Variants in SHF observed in about 807,000 individuals in gnomAD.
SHF encodes Src homology 2 domain containing F.
SHF carries 30 observed loss-of-function variants against 42.4 expected under a neutral mutation model. That is an observed-to-expected ratio of 0.71 (90% CI 0.53 to 0.96). The LOEUF is 0.96. SHF is among the 40% of genes least tolerant of loss of function. The probability of loss-of-function intolerance (pLI) is 0.00; values close to 1 mark genes in which losing one functional copy is unlikely to be tolerated. For missense variants in SHF, 598 were observed against 634.0 expected (o/e 0.94, Z 0.61); for synonymous variants, 264 against 269.9 (o/e 0.98, Z 0.21).
chr15:45,168,404 C>A (rs74011382), intron 6 of SHF, among the ~76,000 whole-genome samples: 24,586 of 152,126 alleles, frequency 0.16, 2,370 homozygotes, highest in East Asian at 0.42. Context: ...CAGGTGGAAA[C>A]TGAGCGACCA....
exon 1 of SHF, chr15:45,200,897 C>T (rs918179187): frequency 4.4e-6 from 2 of 455,670 alleles, no homozygotes; most frequent in Non-Finnish European, 8.8e-6. Context: ...GGCTTCACAT[C>T]ATTGCAGGCC....
intron 2 of SHF, among the ~76,000 whole-genome samples, chr15:45,195,744 A>G (rs1297866170): frequency 6.6e-6 from 1 of 152,146 alleles, no homozygotes; most frequent in Non-Finnish European, 1.5e-5. Flanking sequence ...CTCACTGGGT[A>G]CTGAGTACAG....
Position 45,178,295 on chromosome 15 carries a change from T to C in SHF, c.510A>G (p.Leu170=). The C allele has an allele frequency of 6.2e-7, 1 of 1,612,880 alleles. No individual in the cohort carries two copies. Among genetic ancestry groups the C allele is most frequent in the Non-Finnish European group, 8.5e-7 (1 of 1,179,468 alleles). Residue 170 remains leucine (L), a synonymous_variant, in exon 2 of 7, where the codon CTA becomes CTG. Coordinates refer to ENST00000690270, the MANE Select transcript of SHF (RefSeq NM_001394037.1). ...CATCAAACGGGTCCGCATAGTCTTC[T>C]AGGATAGCTAGCTGTGGGAGGAGAG... ...PPASSDRLAI[L]EDYADPFDVQ... is the part of the protein sequence containing the mutation.
At position 45,187,893 on chromosome 15, in the gene SHF, C is replaced by CTCCCCTGCGT. The variant is rs1360774666; in HGVS notation, c.49_58dup (p.Ser20AsnfsTer138). 1 of 1,185,592 alleles carries CTCCCCTGCGT rather than the reference C, an allele frequency of 8.4e-7. No individual in the cohort carries two copies. Among genetic ancestry groups the CTCCCCTGCGT allele is most frequent in the African/African-American group, 1.6e-5 (1 of 62,524 alleles). 73.4% of individuals were successfully genotyped at this position (1,185,592 alleles called of 1,614,324 possible). ...GGACCCCCCCGGGCCGCCCCCAGCG[C>CTCCCCTGCGT]TCCCCTGCGTTCGCGGCCCCGGGCG... On this transcript the variant is annotated frameshift_variant, in exon 1 of 7. Coordinates refer to ENST00000690270, the MANE Select transcript of SHF (RefSeq NM_001394037.1). LOFTEE classifies it high-confidence loss of function.
chr15:45,200,404 TCC>T (rs879324653), intron 1 of SHF: 13 of 221,832 alleles, frequency 5.9e-5, no homozygotes, highest in Admixed American at 1.4e-4. Context: ...CGTGCCATTG[TCC>T]TCACAATGCC....
chr15:45,169,113 G>T (rs1897348669), intron 6 of SHF, among the ~76,000 whole-genome samples: 1 of 152,230 alleles, frequency 6.6e-6, no homozygotes, highest in Admixed American at 6.5e-5. Flanking sequence ...TGGGGACAAG[G>T]ACGGGGCTTA....
intron 2 of SHF, among the ~76,000 whole-genome samples, chr15:45,195,498 T>C (rs1185724848): frequency 6.6e-6 from 1 of 152,230 alleles, no homozygotes; most frequent in Non-Finnish European, 1.5e-5. Context: ...AAACTTCTTC[T>C]AAACTTTCTT....
Position 45,167,718 on chromosome 15 carries a change from G to A in SHF, c.*229C>T, listed in dbSNP as rs1338659819. 4.4e-5 allele frequency: 17 copies of A among 384,264 alleles called. No homozygotes were observed. In the East Asian group the frequency reaches 4.7e-4, roughly 11 times the overall value. 23.8% of individuals were successfully genotyped at this position (384,264 alleles called of 1,614,324 possible). On this transcript the variant is annotated 3_prime_UTR_variant, in exon 7 of 7. Transcript: ENST00000690270. ...GCTCTGGAACCCCCTTCCTCCAGGG[G>A]CTATCCTTTCTCTCCAGGGATTCCT...
chr15:45,200,505 C>T (rs966051386), intron 1 of SHF: 5 of 354,250 alleles, frequency 1.4e-5, no homozygotes, highest in East Asian at 1.5e-4. Context: ...GGACACAGGA[C>T]CTCGGCTTGT....
Position 45,180,842 on chromosome 15 carries a change from C to A in SHF, c.499-2536G>T, listed in dbSNP as rs868739258. Among the ~76,000 whole-genome samples the A allele has an allele frequency of 3.3e-5, 5 of 152,310 alleles. No homozygotes were observed. The Middle Eastern group carries it at 0.01, about 311-fold the overall frequency. On this transcript the variant is annotated intron_variant, in intron 1 of 6. Coordinates refer to ENST00000690270, the MANE Select transcript of SHF (RefSeq NM_001394037.1). ...ACCATGTTTACTTTCAAATTCCTGACAGTGTTAACTCCATTCACATAAAAC... is the reference window on the plus strand; with the variant it reads ...ACCATGTTTACTTTCAAATTCCTGAAAGTGTTAACTCCATTCACATAAAAC...
At chr15:45,200,388 C>G (rs192586663) in intron 1 of SHF, 1 of 213,926 alleles carries the variant, frequency 4.7e-6, no homozygotes, top group Non-Finnish European at 9.8e-6. Context: ...AACAAACTCC[C>G]CTTGCCGTGC....
chr15:45,176,948 A>G (rs1004334346), intron 2 of SHF, among the ~76,000 whole-genome samples: 7 of 152,074 alleles, frequency 4.6e-5, no homozygotes, highest in Non-Finnish European at 7.4e-5. Flanking sequence ...TTCTTTGCCA[A>G]TACCCAGTGA....
In SHF at chr15:45,175,419, C is replaced by T. The variant is rs1185029730; in HGVS notation, c.647G>A (p.Arg216Gln). The change falls in exon 3 of 7, where the codon CGG (arginine) becomes CAG (glutamine). Residue 216 changes from arginine (R) to glutamine (Q), a missense_variant. By Grantham distance (43) the Arg-to-Gln change is conservative. Coordinates refer to ENST00000690270, the MANE Select transcript of SHF (RefSeq NM_001394037.1). ...CTGAGTTGCTGTCTCCTTGGAGCCC[C>T]GGATCTCTGCCGGAGCAGGGCAGGA... ...YEAQKMMAEIRGSKETATQPL... is the reference protein window; with the variant it reads ...YEAQKMMAEIQGSKETATQPL... The T allele has an allele frequency of 3.0e-5, 48 of 1,579,486 alleles. No homozygotes were observed. Among genetic ancestry groups the T allele is most frequent in the Middle Eastern group, 1.7e-4 (1 of 6,032 alleles).
At chr15:45,177,750 C>T (rs573822150) in intron 2 of SHF, among the ~76,000 whole-genome samples, 16 of 152,326 alleles carry the variant, frequency 1.1e-4, no homozygotes, top group African/African-American at 3.4e-4. Context: ...TCTAGCCTCA[C>T]TCTTTGGACT....
upstream of SHF, among the ~76,000 whole-genome samples, chr15:45,189,433 C>T (rs899488477): frequency 2.8e-4 from 38 of 134,330 alleles, no homozygotes; most frequent in African/African-American, 9.0e-4. Context: ...CTCACTCCGT[C>T]GCTGGAGTAC....
At chr15:45,189,227 GGAAA>G, upstream of SHF, among the ~76,000 whole-genome samples, 1 of 149,542 alleles carries the variant, frequency 6.7e-6, no homozygotes, top group East Asian at 2.0e-4. Flanking sequence ...AAAAAGAAAA[GGAAA>G]GAAATAAAGC....
chr15:45,194,890 G>A (rs1308577546), intron 2 of SHF, among the ~76,000 whole-genome samples: 1 of 152,164 alleles, frequency 6.6e-6, no homozygotes, highest in Non-Finnish European at 1.5e-5. Context: ...GTACAGTGGT[G>A]TGATCATGGC....
rs560164367 is a variant in SHF at position 45,196,654 on chromosome 15, T to C, written c.303+2118A>G. Among the ~76,000 whole-genome samples, 89 of 152,072 alleles carry C rather than the reference T, an allele frequency of 5.9e-4. 2 individuals carry two copies. The South Asian group carries it at 0.014, about 24-fold the overall frequency. ...GGCTCACACCTGTAATCCCGGCACT[T>C]TGGGAGGCCGAGGCGGGCAGAACAC... is the stretch of plus-strand genomic sequence containing the variant. On this transcript the variant is annotated intron_variant, in intron 2 of 7. Transcript: ENST00000290894.
chr15:45,180,305 C>G (rs1300227691), intron 1 of SHF, among the ~76,000 whole-genome samples: 1 of 152,198 alleles, frequency 6.6e-6, no homozygotes, highest in Non-Finnish European at 1.5e-5. Context: ...AATCCACTCA[C>G]CCCTACCCGC....
Sources: gnomAD v4.1 joint callset for allele counts (sites outside exome capture counted in the v4.1 genomes callset) on GRCh38, gnomAD v4.1.1 for gene constraint, MANE v1.5 for transcripts, NCBI Gene and HGNC (gene_info 2026-07-23, HGNC 2026-07-21) for gene names.